NPAS3: variants seen among roughly 807,000 people sequenced by gnomAD.
NPAS3 encodes neuronal PAS domain-containing protein 3.
In NPAS3, 14 loss-of-function variants were observed where a neutral mutation model predicts 73.1. That is an observed-to-expected ratio of 0.19 (90% CI 0.13 to 0.30). The LOEUF is 0.30. NPAS3 is among the 10% of genes least tolerant of loss of function. The pLI is 1.00. For missense variants in NPAS3, 1,096 were observed against 1,250.0 expected (o/e 0.88, Z 1.86); for synonymous variants, 620 against 541.5 (o/e 1.14, Z -2.01).
chr14:33,165,646 A>G (rs1430091674), intron 2 of NPAS3, among the ~76,000 whole-genome samples: 1 of 152,136 alleles, frequency 6.6e-6, no homozygotes, highest in Non-Finnish European at 1.5e-5. Flanking sequence ...TTGAAATACT[A>G]TGCCTCACTG....
upstream of NPAS3, among the ~76,000 whole-genome samples, chr14:32,938,462 AGAGAGAGAGAGAGAGAGAGAAATT>A (rs2035775075): frequency 1.0e-5 from 1 of 95,540 alleles, no homozygotes; most frequent in African/African-American, 3.5e-5. Context: ...CGAGAAAGAG[AGAGAGAGAGAGAGAGAGAGAAATT>A]GAGAGAGAGA....
chr14:33,013,998 T>C (rs2039303960), intron 1 of NPAS3, among the ~76,000 whole-genome samples: 1 of 152,174 alleles, frequency 6.6e-6, no homozygotes, highest in African/African-American at 2.4e-5. Flanking sequence ...TTTCCACTTT[T>C]CTATATATGT....
chr14:33,322,150 G>A (rs913202440), intron 3 of NPAS3, among the ~76,000 whole-genome samples: 2 of 152,158 alleles, frequency 1.3e-5, no homozygotes, highest in East Asian at 1.9e-4. Context: ...CTTAGCTAAA[G>A]GTTTATTGAT....
intron 7 of NPAS3, among the ~76,000 whole-genome samples, chr14:33,745,009 G>C (rs1354106241): frequency 6.6e-6 from 1 of 152,108 alleles, no homozygotes; most frequent in Admixed American, 6.6e-5. Flanking sequence ...GGGAGGCTGA[G>C]GCAAGAGGAT....
chr14:33,126,332 G>C lies in NPAS3; in HGVS notation c.140+70338G>C, dbSNP rs114769085. 3.4e-3 allele frequency among the ~76,000 whole-genome samples: 516 copies of C among 152,272 alleles called. 2 individuals carry two copies. The highest frequency in any genetic ancestry group is 0.012 in the African/African-American group (501 of 41,568). ...ATGGTGTCTACTGCCTGCTGGACAG[G>C]CTACCACAGAACAAAATGGATGCCG... is the stretch of plus-strand genomic sequence containing the variant. On this transcript the variant is annotated intron_variant, in intron 2 of 11. Transcript: ENST00000356141.
chr14:33,785,067 G>GT (rs1022283309), intron 9 of NPAS3, among the ~76,000 whole-genome samples: 3 of 151,462 alleles, frequency 2.0e-5, no homozygotes, highest in African/African-American at 4.9e-5. Flanking sequence ...TGCTTTTATA[G>GT]TTTTTTTAAA....
intron 2 of NPAS3, among the ~76,000 whole-genome samples, chr14:33,096,150 A>G (rs74940675): frequency 0.016 from 2,396 of 151,782 alleles, 29 homozygotes; most frequent in Non-Finnish European, 0.025. Context: ...ATACATTTCT[A>G]TGCCAATATG....
chr14:33,552,182 G>GTCTGTTT (rs1204668133), intron 4 of NPAS3, among the ~76,000 whole-genome samples: 1 of 152,176 alleles, frequency 6.6e-6, no homozygotes, highest in African/African-American at 2.4e-5. Context: ...GAAAGAGCAT[G>GTCTGTTT]AGACTCACTC....
chr14:33,383,112 A>C (rs1440143450), intron 4 of NPAS3, among the ~76,000 whole-genome samples: 2 of 151,308 alleles, frequency 1.3e-5, no homozygotes, highest in African/African-American at 2.4e-5. Flanking sequence ...AAAAAAAAAA[A>C]ATCACCTTTT....
intron 4 of NPAS3, among the ~76,000 whole-genome samples, chr14:33,523,451 CAA>C (rs755370427): frequency 1.7e-4 from 8 of 46,720 alleles, no homozygotes; most frequent in Admixed American, 2.3e-4. Flanking sequence ...GACTCTGTCT[CAA>C]AAAAAAAAAA....
chr14:33,512,878 T>C (rs556458802), intron 4 of NPAS3, among the ~76,000 whole-genome samples: 1 of 152,210 alleles, frequency 6.6e-6, no homozygotes, highest in African/African-American at 2.4e-5. Context: ...TTTATATCAC[T>C]GTATATTTTT....
At chr14:33,121,089 T>G (rs896817276) in intron 2 of NPAS3, among the ~76,000 whole-genome samples, 2 of 152,088 alleles carry the variant, frequency 1.3e-5, no homozygotes, top group Admixed American at 1.3e-4. Context: ...CTTTTTGACC[T>G]CTTAACAGTC....
chr14:33,039,879 G>A lies in NPAS3; in HGVS notation c.51-16026G>A, dbSNP rs571215421. 4.6e-5 allele frequency among the ~76,000 whole-genome samples: 7 copies of A among 152,260 alleles called. No individual in the cohort carries two copies. The South Asian group carries it at 1.2e-3, about 27-fold the overall frequency. On this transcript the variant is annotated intron_variant, in intron 1 of 11. Transcript: ENST00000356141. ...CTAACTTTAGATTGATAGAGAAGGG[G>A]AAAGAGACACAAGGTATATTTGTAT...
intron 4 of NPAS3, among the ~76,000 whole-genome samples, chr14:33,464,511 G>A (rs2050419594): frequency 1.3e-5 from 2 of 152,148 alleles, no homozygotes; most frequent in South Asian, 4.1e-4. Context: ...TGAAGCCACT[G>A]CTTCTCTATG....
At chr14:33,575,717 T>C (rs2056406693) in intron 5 of NPAS3, among the ~76,000 whole-genome samples, 1 of 152,248 alleles carries the variant, frequency 6.6e-6, no homozygotes, top group Non-Finnish European at 1.5e-5. Context: ...AATCTATTTC[T>C]AATTGTTCTT....
chr14:32,978,764 G>C lies in NPAS3; in HGVS notation c.50+39398G>C, dbSNP rs146894111. Among the ~76,000 whole-genome samples the C allele has an allele frequency of 2.0e-5, 3 of 152,282 alleles. No homozygotes were observed. In the East Asian group the frequency reaches 5.8e-4, roughly 29 times the overall value. On this transcript the variant is annotated intron_variant, in intron 1 of 11. Coordinates refer to ENST00000356141, the Ensembl canonical transcript of NPAS3. The stretch of plus-strand genomic sequence containing the variant: ...GAAATGATCATTGCTTTGTGTATTA[G>C]AGAAACACTGAATGGATTGGCGAGA...
At chr14:33,783,223 C>A (rs1409712083) in intron 9 of NPAS3, among the ~76,000 whole-genome samples, 1 of 152,176 alleles carries the variant, frequency 6.6e-6, no homozygotes, top group Non-Finnish European at 1.5e-5. Flanking sequence ...ACGGAAGCTG[C>A]AAGTGAAGGA....
At chr14:33,506,348 A>G (rs1262069130) in intron 4 of NPAS3, among the ~76,000 whole-genome samples, 1 of 151,686 alleles carries the variant, frequency 6.6e-6, no homozygotes, top group African/African-American at 2.4e-5. Flanking sequence ...TTAAAGGTAT[A>G]TAAATATATG....
At chr14:33,210,871 T>C (rs140564725) in intron 2 of NPAS3, among the ~76,000 whole-genome samples, 2,315 of 152,276 alleles carry the variant, frequency 0.015, 25 homozygotes, top group Middle Eastern at 0.061. Context: ...AGTACACTTA[T>C]GGTATACAAT....
Sources: gnomAD v4.1 joint callset for allele counts (sites outside exome capture counted in the v4.1 genomes callset) on GRCh38, gnomAD v4.1.1 for gene constraint, MANE v1.5 for transcripts, NCBI Gene and HGNC (gene_info 2026-07-23, HGNC 2026-07-21) for gene names.